Variants in SHC1 observed in about 807,000 individuals in gnomAD.
The protein encoded by SHC1 is SHC-transforming protein 1.
A neutral mutation model predicts 55.9 loss-of-function variants in SHC1; 30 were observed. The observed-to-expected ratio is 0.54, with a 90% CI of 0.40 to 0.73. The LOEUF (loss-of-function observed/expected upper bound fraction) is 0.73, where lower values mean the gene tolerates loss of function less well. SHC1 is among the 30% of genes least tolerant of loss of function. The pLI, the probability that SHC1 is intolerant of heterozygous loss-of-function variation, is 0.00. For synonymous variants in SHC1, 309 were observed against 306.1 expected (o/e 1.01, Z -0.10); for missense variants, 675 against 777.1 (o/e 0.87, Z 1.56).
chr1:154,966,310 G>T lies in SHC1; in HGVS notation c.1182+9C>A. On this transcript the variant is annotated intron_variant, in intron 8 of 11. Coordinates refer to ENST00000448116, the MANE Select transcript of SHC1 (RefSeq NM_001130040.2). ...CTAGCCCCAGCCCGCCTCCATCCAAGCAACTTACCAATGTAGCTCCCAAGT... is the reference window on the plus strand; with the variant it reads ...CTAGCCCCAGCCCGCCTCCATCCAATCAACTTACCAATGTAGCTCCCAAGT... 1 of 1,613,122 alleles carries T rather than the reference G, an allele frequency of 6.2e-7. No individual in the cohort carries two copies. The highest frequency in any genetic ancestry group is 1.7e-5 in the Admixed American group (1 of 59,992).
At chr1:154,968,323 G>C (rs764102702) in intron 4 of SHC1, 66 bp from the exon 5 acceptor site, 2 of 1,564,682 alleles carry the variant, frequency 1.3e-6, no homozygotes, top group Non-Finnish European at 1.8e-6. Context: ...TCAGGGCCCA[G>C]AACCCTGGTG....
chr1:154,970,820 C>A (rs972686847), upstream of SHC1: 2 of 308,980 alleles, frequency 6.5e-6, no homozygotes, highest in African/African-American at 4.4e-5. The surrounding 1 kb of genome is among the most constrained non-coding windows in gnomAD (Gnocchi z 5.5). Context: ...GGGGAGAGAC[C>A]AATCGTGAGG....
chr1:154,970,972 T>G (rs1356397204), upstream of SHC1, among the ~76,000 whole-genome samples: 1 of 148,274 alleles, frequency 6.7e-6, no homozygotes, highest in African/African-American at 2.5e-5. The surrounding 1 kb of genome is among the most constrained non-coding windows in gnomAD (Gnocchi z 5.5). Flanking sequence ...AAAGTGGGGG[T>G]GGGAGGGAAG....
chr1:154,969,431 C>G lies in SHC1; in HGVS notation c.513G>C (p.Glu171Asp). The change falls in exon 2 of 12, where the codon GAG (glutamate) becomes GAC (aspartate). Residue 171 changes from glutamate to aspartate, a missense_variant. Physicochemically the swap from Glu to Asp is conservative, Grantham distance 45. This residue lies in a region of SHC1 where 159 missense variants were observed against 246.9 expected (regional missense o/e 0.64). Transcript: ENST00000448116. ...SYLVRYMGCV[E>D]VLQSMRALDF... is the part of the protein sequence containing the mutation. ...CCAGGGCACGCATTGACTGGAGGACCTCCACACAACCCATGTACTAAGGGG... is the reference window on the plus strand; with the variant it reads ...CCAGGGCACGCATTGACTGGAGGACGTCCACACAACCCATGTACTAAGGGG... 6.2e-7 allele frequency: 1 copy of G among 1,611,966 alleles called. No individual in the cohort carries two copies. Among genetic ancestry groups the G allele is most frequent in the East Asian group, 2.2e-5 (1 of 44,838 alleles).
chr1:154,966,118 C>T, intron 9 of SHC1, 38 bp from the exon 10 acceptor site: 5 of 1,614,060 alleles, frequency 3.1e-6, no homozygotes, highest in Non-Finnish European at 4.2e-6. Context: ...CCCAGCCCTG[C>T]CTCCAACACT....
upstream of SHC1, among the ~76,000 whole-genome samples, chr1:154,972,547 A>T (rs1656845345): frequency 6.6e-6 from 1 of 152,122 alleles, no homozygotes; most frequent in African/African-American, 2.4e-5. Context: ...ACAAACACAC[A>T]CTAGGATGTC....
At position 154,965,581 on chromosome 1, in the gene SHC1, G is replaced by T. The variant is rs773851636; in HGVS notation, c.1588C>A (p.Gln530Lys). The T allele has an allele frequency of 5.0e-6, 8 of 1,614,034 alleles. No homozygotes were observed. The Admixed American group carries it at 5.0e-5, about 10-fold the overall frequency. ...QYVLTGLQSG[Q>K]PKHLLLVDPE... ...TCCACCAGTAGCAAATGCTTAGGCT[G>T]CCCACTCTGCAAGCCAGTGAGCACA... Residue 530 changes from glutamine (Q) to lysine (K), a missense_variant, in exon 11 of 12, where the codon CAG becomes AAG. This residue lies in a region of SHC1 where 360 missense variants were observed against 371.1 expected (regional missense o/e 0.97). Transcript: ENST00000448116.
intron 1 of SHC1, 60 bp downstream of exon 1, chr1:154,969,972 G>T: frequency 1.3e-6 from 2 of 1,577,858 alleles, no homozygotes; most frequent in South Asian, 1.1e-5. Context: ...GGCCAAGCTG[G>T]AGTGAGCATT....
intron 10 of SHC1, 79 bp downstream of exon 10, chr1:154,965,867 G>T (rs1460206340): frequency 4.1e-5 from 64 of 1,576,022 alleles, no homozygotes; most frequent in Middle Eastern, 1.7e-4. Flanking sequence ...AGTCAGGAAG[G>T]AAAGAGCAGA....
Position 154,963,733 on chromosome 1 carries a change from G to C in SHC1, c.*70C>G, listed in dbSNP as rs1393834314. ...AAGCCCACAGAACACTCCCAAACGA[G>C]GTCCCGAGAGTTAGGGAATAGGGTG... On this transcript the variant is annotated 3_prime_UTR_variant, in exon 12 of 12. Transcript: ENST00000448116. The C allele has an allele frequency of 1.4e-5, 22 of 1,549,628 alleles. No individual in the cohort carries two copies. Among genetic ancestry groups the C allele is most frequent in the Non-Finnish European group, 1.9e-5 (21 of 1,129,010 alleles).
chr1:154,969,229 C>T (rs1006364182), intron 2 of SHC1, 149 bp downstream of exon 2: 82 of 652,288 alleles, frequency 1.3e-4, no homozygotes, highest in South Asian at 1.8e-4. Context: ...CAGTAAGAGG[C>T]GGAATCACTA....
At chr1:154,966,584 T>C in intron 7 of SHC1, 67 bp from the exon 8 acceptor site, 1 of 1,094,120 alleles carries the variant, frequency 9.1e-7, no homozygotes, top group Non-Finnish European at 1.3e-6. Context: ...AAGGACAGAA[T>C]AGAACAGCAG....
chr1:154,972,262 G>A (rs1455160437), upstream of SHC1, among the ~76,000 whole-genome samples: 5 of 151,196 alleles, frequency 3.3e-5, no homozygotes, highest in South Asian at 2.1e-4. Context: ...AAAAAAATAC[G>A]TATTCCCCCC....
intron 11 of SHC1, among the ~76,000 whole-genome samples, chr1:154,964,648 T>TA (rs1655717065): frequency 6.6e-6 from 1 of 152,194 alleles, no homozygotes; most frequent in African/African-American, 2.4e-5. Flanking sequence ...CATTCCTGAC[T>TA]AGAGACAAGG....
chr1:154,969,906 A>C, intron 1 of SHC1, 126 bp downstream of exon 1: 3 of 1,074,050 alleles, frequency 2.8e-6, no homozygotes. Context: ...AGAAAGGTTT[A>C]GGAAATAGGA....
At chr1:154,973,505 C>A (rs1372798786), upstream of SHC1, 2 of 106,010 alleles carry the variant, frequency 1.9e-5, no homozygotes, top group African/African-American at 8.9e-5. Flanking sequence ...GAGCGAAACT[C>A]CGTCTTAAAA....
chr1:154,968,136 A>T (rs1313233343), intron 5 of SHC1, 68 bp downstream of exon 5: 2 of 1,587,066 alleles, frequency 1.3e-6, no homozygotes, highest in Non-Finnish European at 1.7e-6. Flanking sequence ...CACTTCTCTA[A>T]TCAATGTCTT....
Position 154,965,988 on chromosome 1 carries a change from G to A in SHC1, c.1345C>T (p.Pro449Ser), listed in dbSNP as rs769283495. Residue 449 changes from proline to serine, a missense_variant, in exon 10 of 12, where the codon CCT (proline) becomes TCT (serine). Pro to Ser is a moderately conservative substitution (Grantham distance 74, BLOSUM62 -1). Coordinates refer to ENST00000448116, the MANE Select transcript of SHC1 (RefSeq NM_001130040.2). ...CGGGGTGCACTGCCATTGATAGCAG[G>A]ATTGGGGGGCCCAGCACCACCCACT... ...QAVGGAGPPN[P>S]AINGSAPRDL... The A allele has an allele frequency of 6.2e-7, 1 of 1,613,896 alleles. No homozygotes were observed. Among genetic ancestry groups the A allele is most frequent in the Non-Finnish European group, 8.5e-7 (1 of 1,179,976 alleles).
In SHC1 at chr1:154,962,671, C is replaced by T. The variant is rs1252216002; in HGVS notation, c.*1132G>A. 6.6e-6 allele frequency: 1 copy of T among 152,184 alleles called. No individual in the cohort carries two copies. The highest frequency in any genetic ancestry group is 1.5e-5 in the Non-Finnish European group (1 of 67,980). The allele number at this position is 152,184 out of a possible 1,614,324, so 9.4% of individuals were successfully genotyped here. The stretch of plus-strand genomic sequence containing the variant: ...ATCCCAGTTACCTCACAGGCCTAGG[C>T]GAGGAAAATGCCAAGAGCTGTAAAA... On this transcript the variant is annotated 3_prime_UTR_variant, in exon 12 of 12. Coordinates refer to ENST00000448116, the MANE Select transcript of SHC1 (RefSeq NM_001130040.2).
Sources: gnomAD v4.1 joint callset for allele counts (sites outside exome capture counted in the v4.1 genomes callset) on GRCh38, gnomAD v4.1.1 for gene constraint, gnomAD v4.1.1 regional missense constraint, Gnocchi (gnomAD v3.1) non-coding constraint, MANE v1.5 for transcripts, NCBI Gene and HGNC (gene_info 2026-07-23, HGNC 2026-07-21) for gene names.